Variants in PRKDC observed in about 807,000 individuals in gnomAD.
PRKDC encodes the protein protein kinase, DNA-activated, catalytic subunit, also known as DNA-dependent protein kinase catalytic subunit.
A neutral mutation model predicts 486.9 loss-of-function variants in PRKDC; 82 were observed. The ratio of observed to expected loss-of-function variants is 0.17; its 90% CI spans 0.14 to 0.20. The LOEUF is 0.20. Among genes scored for constraint, PRKDC ranks in the 10% least tolerant of loss-of-function variants. The pLI, the probability that PRKDC is intolerant of heterozygous loss-of-function variation, is 1.00. For missense variants in PRKDC, 4,504 were observed against 5,038.2 expected, an observed-to-expected ratio of 0.89 and a Z score of 3.21; for synonymous variants, 1,895 against 1,837.0, an observed-to-expected ratio of 1.03 and a Z score of -0.81.
intron 66 of PRKDC, 74 bp downstream of exon 66, chr8:47,820,645 T>C (rs1415259454): frequency 4.6e-6 from 4 of 876,650 alleles, no homozygotes; most frequent in Non-Finnish European, 6.0e-6. Flanking sequence ...ATAGTATATT[T>C]CAGATAGATC....
Position 47,800,655 on chromosome 8 carries a change from G to C in PRKDC, c.10116+138C>G, listed in dbSNP as rs1353179459. The C allele has an allele frequency of 5.1e-6, 3 of 593,200 alleles. No homozygotes were observed. The African/African-American group carries it at 5.9e-5, about 12-fold the overall frequency. The allele number at this position is 593,200 out of a possible 1,614,324, so 36.7% of individuals were successfully genotyped here. On this transcript the variant is annotated intron_variant, in intron 71 of 85. Coordinates refer to ENST00000314191, the MANE Select transcript of PRKDC (RefSeq NM_006904.7). ...ATAAAAACAAATACATAAATAAAAA[G>C]AAAATTGGCTGTGCATAACTGTCAA...
In PRKDC at chr8:47,818,541, T is replaced by C. The variant is rs1367270897; in HGVS notation, c.9445+861A>G. ...TTGCAGTGAGCCGAGATCCCGCCACTGCACTCCAGCCTGCGAAACAGAGTG... is the reference window on the plus strand; with the variant it reads ...TTGCAGTGAGCCGAGATCCCGCCACCGCACTCCAGCCTGCGAAACAGAGTG... On this transcript the variant is annotated intron_variant, in intron 67 of 85. Transcript: ENST00000314191. Among the ~76,000 whole-genome samples, 55 of 126,928 alleles carry C rather than the reference T, an allele frequency of 4.3e-4. 3 individuals are homozygous for C. 83.3% of individuals were successfully genotyped at this position (126,928 alleles called of 152,430 possible). A position where few individuals can be genotyped will look rare whatever the true frequency, so the allele number is the denominator to read the frequency against.
In PRKDC at chr8:47,803,402, A is replaced by G; in HGVS notation, c.9826T>C (p.Trp3276Arg). 1 of 1,614,032 alleles carries G rather than the reference A, an allele frequency of 6.2e-7. No homozygotes were observed. The highest frequency in any genetic ancestry group is 8.5e-7 in the Non-Finnish European group (1 of 1,179,896). The change falls in exon 70 of 86, where the codon TGG (tryptophan) becomes CGG (arginine). Residue 3276 changes from tryptophan to arginine, a missense_variant. Transcript: ENST00000314191. ...CTCAGGCGGCAGTAGCTCTGCACCC[A>G]GCTCACCAGCCAATCGTCTCTGGTT... ...SKTRDDWLVS[W>R]VQSYCRLSHC...
Position 47,936,490 on chromosome 8 carries a change from C to T in PRKDC, c.1141G>A (p.Val381Ile), listed in dbSNP as rs1160975589. ...ATGAGCTCAACGTACATGAAGTCAA[C>T]ATCTTTTGCGTTTATAACCTTGCAC... is the stretch of plus-strand genomic sequence containing the variant. ...GPCKVINAKD[V>I]DFMYVELIQR... The change falls in exon 12 of 86, where the codon GTT (valine) becomes ATT (isoleucine). Residue 381 changes from valine (V) to isoleucine (I), a missense_variant. By Grantham distance (29) the Val-to-Ile change is conservative. Around this residue, in one of 6 missense-constraint regions of PRKDC, gnomAD observed 1,969 missense variants for 2,068.9 expected, o/e 0.95. Coordinates refer to ENST00000314191, the MANE Select transcript of PRKDC (RefSeq NM_006904.7). 6.2e-7 allele frequency: 1 copy of T among 1,613,904 alleles called. No individual in the cohort carries two copies. The highest frequency in any genetic ancestry group is 2.2e-5 in the East Asian group (1 of 44,898).
intron 68 of PRKDC, among the ~76,000 whole-genome samples, chr8:47,810,593 G>A (rs896696788): frequency 6.6e-6 from 1 of 152,174 alleles, no homozygotes; most frequent in Non-Finnish European, 1.5e-5. Context: ...GAAAACAGAT[G>A]CCAACTCTAT....
chr8:47,834,843 A>G (rs1235888788), intron 58 of PRKDC, among the ~76,000 whole-genome samples: 2 of 151,568 alleles, frequency 1.3e-5, no homozygotes, highest in Non-Finnish European at 2.9e-5. Context: ...GGCGCCCGCT[A>G]CCACGCCCGG....
At chr8:47,898,754 G>A (rs1327324508) in intron 28 of PRKDC, among the ~76,000 whole-genome samples, 185 bp from the exon 29 acceptor site, 1 of 152,180 alleles carries the variant, frequency 6.6e-6, no homozygotes, top group Non-Finnish European at 1.5e-5. Context: ...ATTCAAAAAT[G>A]AACACAAAAC....
At chr8:47,874,270 ATTAAGAG>A (rs1352362418) in intron 40 of PRKDC, among the ~76,000 whole-genome samples, 1 of 152,088 alleles carries the variant, frequency 6.6e-6, no homozygotes, top group Non-Finnish European at 1.5e-5. Flanking sequence ...TTTTTAAATA[ATTAAGAG>A]TATAACTGGA....
intron 83 of PRKDC, 74 bp downstream of exon 83, chr8:47,778,384 CT>C (rs1463728180): frequency 3.4e-6 from 5 of 1,461,672 alleles, no homozygotes; most frequent in African/African-American, 1.4e-5. Context: ...TAAAAACTGT[CT>C]ATTTCTGGAG....
At chr8:47,906,459 C>T (rs1210280174) in intron 25 of PRKDC, among the ~76,000 whole-genome samples, 3 of 148,550 alleles carry the variant, frequency 2.0e-5, no homozygotes, top group African/African-American at 7.3e-5. Flanking sequence ...AACAGTGAAA[C>T]CTCTTCACTA....
chr8:47,877,372 T>G (rs2089111925), intron 40 of PRKDC, among the ~76,000 whole-genome samples: 1 of 152,214 alleles, frequency 6.6e-6, no homozygotes, highest in African/African-American at 2.4e-5. Flanking sequence ...TCAAGAAAAC[T>G]GCTTTAAGAG....
intron 67 of PRKDC, 115 bp from the exon 68 acceptor site, chr8:47,817,676 C>T (rs1389577633): frequency 1.6e-6 from 1 of 631,804 alleles, no homozygotes; most frequent in African/African-American, 1.8e-5. Context: ...ACAAAAAAGT[C>T]CTTTCTTTTA....
At chr8:47,841,017 G>A (rs2088128167) in intron 54 of PRKDC, among the ~76,000 whole-genome samples, 1 of 152,208 alleles carries the variant, frequency 6.6e-6, no homozygotes, top group African/African-American at 2.4e-5. Flanking sequence ...AGGCTGAAGA[G>A]GGAGGAAGCT....
At chr8:47,827,818 AAC>A (rs1403817612) in intron 62 of PRKDC, among the ~76,000 whole-genome samples, 1 of 152,236 alleles carries the variant, frequency 6.6e-6, no homozygotes. Flanking sequence ...GTACTCAGTC[AAC>A]ATCTTTTGAC....
At chr8:47,855,011 G>T (rs2088501278) in intron 50 of PRKDC, among the ~76,000 whole-genome samples, 1 of 152,218 alleles carries the variant, frequency 6.6e-6, no homozygotes, top group Non-Finnish European at 1.5e-5. Flanking sequence ...GGGGACATCA[G>T]AGGCAAGCTG....
intron 72 of PRKDC, among the ~76,000 whole-genome samples, 194 bp from the exon 73 acceptor site, chr8:47,798,591 A>G (rs1442925993): frequency 6.6e-6 from 1 of 152,120 alleles, no homozygotes; most frequent in African/African-American, 2.4e-5. Flanking sequence ...CTTCCATTAG[A>G]GTGCCCATTC....
chr8:47,904,828 A>C, intron 26 of PRKDC, 41 bp downstream of exon 26: 2 of 1,329,834 alleles, frequency 1.5e-6, no homozygotes, highest in Non-Finnish European at 1.1e-6. Context: ...AAATACAACT[A>C]ATCGATGGGA....
At chr8:47,890,211 G>T (rs370671557) in intron 32 of PRKDC, 46 bp downstream of exon 32, 196 of 1,387,072 alleles carry the variant, frequency 1.4e-4, no homozygotes, top group Non-Finnish European at 1.5e-5. Flanking sequence ...CTTTGAAGTA[G>T]TTTTCCAGTA....
At chr8:47,854,591 C>A (rs187753157) in intron 50 of PRKDC, among the ~76,000 whole-genome samples, 6 of 152,104 alleles carry the variant, frequency 3.9e-5, no homozygotes, top group Non-Finnish European at 8.8e-5. Context: ...CCGCCCGCCT[C>A]GGCCTCCCAA....
Sources: gnomAD v4.1 joint callset for allele counts (sites outside exome capture counted in the v4.1 genomes callset) on GRCh38, gnomAD v4.1.1 for gene constraint, gnomAD v4.1.1 regional missense constraint, MANE v1.5 for transcripts, NCBI Gene and HGNC (gene_info 2026-07-23, HGNC 2026-07-21) for gene names.